RCC1L: variants seen among roughly 807,000 people sequenced by gnomAD.
RCC1L encodes the protein RCC1-like G exchanging factor-like protein.
A neutral mutation model predicts 58.6 loss-of-function variants in RCC1L; 46 were observed. The observed-to-expected ratio is 0.79, with a 90% CI of 0.62 to 1.00. RCC1L has a LOEUF of 1.00. RCC1L is among the 50% of genes least tolerant of loss of function. RCC1L has a pLI of 0.00. For synonymous variants in RCC1L, 281 were observed against 262.9 expected, an observed-to-expected ratio of 1.07 and a Z score of -0.67; for missense variants, 636 against 623.6, an observed-to-expected ratio of 1.02 and a Z score of -0.21.
In RCC1L at chr7:75,051,431, A is replaced by C. The variant is rs969840126; in HGVS notation, c.1317+1280T>G. 2.9e-4 allele frequency among the ~76,000 whole-genome samples: 44 copies of C among 149,898 alleles called. 1 individual carries two copies. Among genetic ancestry groups the C allele is most frequent in the African/African-American group, 1.1e-3 (43 of 40,754 alleles). ...TTTGCAAGTCCTTTGTTTTTTTTTGAGACACAGTCTCCCTCTGTTGCCCAG... is the reference window on the plus strand; with the variant it reads ...TTTGCAAGTCCTTTGTTTTTTTTTGCGACACAGTCTCCCTCTGTTGCCCAG... On this transcript the variant is annotated intron_variant, in intron 10 of 10. Coordinates refer to ENST00000610322, the MANE Select transcript of RCC1L (RefSeq NM_030798.5).
intron 10 of RCC1L, among the ~76,000 whole-genome samples, chr7:75,035,001 A>C (rs1805406293): frequency 6.6e-6 from 1 of 151,970 alleles, no homozygotes; most frequent in African/African-American, 2.4e-5. Context: ...ACTACTGGGC[A>C]CCAAGAGGGT....
intron 8 of RCC1L, chr7:75,056,419 CT>C (rs1554443957): frequency 8.8e-7 from 1 of 1,131,018 alleles, no homozygotes; most frequent in African/African-American, 1.6e-5. Context: ...AGGATGTTTT[CT>C]CCCCCTAATG....
Position 75,073,614 on chromosome 7 carries a change from CG to C in RCC1L, c.123del (p.Glu42ArgfsTer148). On this transcript the variant is annotated frameshift_variant, in exon 1 of 11. Transcript: ENST00000610322. LOFTEE classifies it high-confidence loss of function. ...TACTGGACCACGGGCACCTCCGCCT[CG>C]GCTTCTGCCGCTTCGCGCCGGCTCC... ...RSRSRREAAE[A>X]EAEVPVVQYV... 1 of 1,514,136 alleles carries C rather than the reference CG, an allele frequency of 6.6e-7. No homozygotes were observed. Among genetic ancestry groups the C allele is most frequent in the Non-Finnish European group, 8.8e-7 (1 of 1,141,812 alleles). The allele number at this position is 1,514,136 out of a possible 1,614,324, so 93.8% of individuals were successfully genotyped here.
Position 75,073,639 on chromosome 7 carries a change from C to T in RCC1L, c.99G>A (p.Arg33=). The stretch of plus-strand genomic sequence containing the variant: ...CGGCTTCTGCCGCTTCGCGCCGGCT[C>T]CGGGAGCGCCCGGCCGCCGTCCAGT... ...RGHWTAAGRS[R]SRREAAEAEA... The change falls in exon 1 of 11, where the codon CGG becomes CGA. Residue 33 remains arginine, a synonymous_variant. Transcript: ENST00000610322. 6.8e-7 allele frequency: 1 copy of T among 1,480,288 alleles called. No individual in the cohort carries two copies. Among genetic ancestry groups the T allele is most frequent in the Non-Finnish European group, 8.9e-7 (1 of 1,123,596 alleles). 91.7% of individuals were successfully genotyped at this position (1,480,288 alleles called of 1,614,324 possible). A position where few individuals can be genotyped will look rare whatever the true frequency, so the allele number is the denominator to read the frequency against.
At chr7:75,066,252 C>T (rs1226630783) in intron 3 of RCC1L, among the ~76,000 whole-genome samples, 3 of 151,888 alleles carry the variant, frequency 2.0e-5, no homozygotes, top group East Asian at 1.9e-4. Flanking sequence ...GAGATTGAGA[C>T]CATCCTGGCT....
chr7:75,071,081 C>G (rs782381921), intron 1 of RCC1L, among the ~76,000 whole-genome samples: 2 of 152,080 alleles, frequency 1.3e-5, no homozygotes, highest in Non-Finnish European at 2.9e-5. Context: ...ATCTCAAATT[C>G]CCGGCCTCAA....
intron 2 of RCC1L, among the ~76,000 whole-genome samples, chr7:75,068,933 G>A (rs1027497830): frequency 3.3e-5 from 5 of 149,748 alleles, no homozygotes. Context: ...GCAGTGGTGC[G>A]ATCTCGGCTC....
intron 1 of RCC1L, 80 bp downstream of exon 1, chr7:75,073,334 T>G (rs1554446420): frequency 6.3e-6 from 4 of 637,690 alleles, no homozygotes; most frequent in Non-Finnish European, 9.4e-6. Context: ...GCCAACTTCT[T>G]GAAGAGAGCC....
chr7:75,031,735 C>T (rs1236640466), intron 10 of RCC1L, among the ~76,000 whole-genome samples: 8 of 152,074 alleles, frequency 5.3e-5, no homozygotes, highest in Admixed American at 1.3e-4. Flanking sequence ...CCAAACTTAG[C>T]GGCTTAACAT....
At chr7:75,034,481 A>C (rs1381704712) in intron 10 of RCC1L, among the ~76,000 whole-genome samples, 2 of 152,176 alleles carry the variant, frequency 1.3e-5, no homozygotes, top group African/African-American at 2.4e-5. Flanking sequence ...GCGCCACTGC[A>C]CTCCAGCCTG....
At chr7:75,065,443 T>C (rs1004440136) in intron 3 of RCC1L, among the ~76,000 whole-genome samples, 10 of 152,008 alleles carry the variant, frequency 6.6e-5, no homozygotes, top group Admixed American at 5.3e-4. Context: ...TAGTCCCAGC[T>C]ACTCGGGAAA....
chr7:75,039,787 C>T (rs1028287517), downstream of RCC1L, among the ~76,000 whole-genome samples: 32 of 152,244 alleles, frequency 2.1e-4, no homozygotes, highest in Non-Finnish European at 3.8e-4. Context: ...CTCACTCCAT[C>T]GCGGGTGCCA....
chr7:75,048,584 G>A (rs1805817167), intron 10 of RCC1L, among the ~76,000 whole-genome samples: 1 of 152,254 alleles, frequency 6.6e-6, no homozygotes, highest in East Asian at 1.9e-4. Flanking sequence ...TGGACATCAC[G>A]TGCCCAGCAC....
At chr7:75,049,498 G>GA (rs1245783141) in intron 10 of RCC1L, among the ~76,000 whole-genome samples, 18 of 150,326 alleles carry the variant, frequency 1.2e-4, no homozygotes, top group East Asian at 5.8e-4. Context: ...AAAAAAAAAC[G>GA]AAAAAAAAAT....
chr7:75,065,992 T>A (rs1165507369), intron 3 of RCC1L, among the ~76,000 whole-genome samples: 1 of 140,446 alleles, frequency 7.1e-6, no homozygotes, highest in Admixed American at 7.7e-5. Flanking sequence ...CACTCCAGCC[T>A]GGGCAGCACA....
intron 3 of RCC1L, among the ~76,000 whole-genome samples, chr7:75,066,371 G>A (rs199904114): frequency 4.6e-5 from 7 of 151,454 alleles, no homozygotes; most frequent in African/African-American, 1.2e-4. Flanking sequence ...GGAGAATGGC[G>A]TGAACCCAGG....
chr7:75,028,861 A>G (rs1177452030), intron 10 of RCC1L, among the ~76,000 whole-genome samples: 2 of 152,098 alleles, frequency 1.3e-5, no homozygotes, highest in Non-Finnish European at 2.9e-5. Context: ...TCCCCTCCCC[A>G]AGATTCAGAG....
chr7:75,066,569 T>G, intron 3 of RCC1L, 95 bp downstream of exon 3: 1 of 1,559,804 alleles, frequency 6.4e-7, no homozygotes. Flanking sequence ...TAGATGTGGC[T>G]CAATCGATCA....
intron 3 of RCC1L, among the ~76,000 whole-genome samples, chr7:75,066,390 C>T (rs1806486908): frequency 1.3e-5 from 2 of 151,200 alleles, no homozygotes; most frequent in Non-Finnish European, 1.5e-5. Context: ...GGAGGTGGAG[C>T]TTGCAGTGAG....
Sources: gnomAD v4.1 joint callset for allele counts (sites outside exome capture counted in the v4.1 genomes callset) on GRCh38, gnomAD v4.1.1 for gene constraint, MANE v1.5 for transcripts, NCBI Gene and HGNC (gene_info 2026-07-23, HGNC 2026-07-21) for gene names.